Variants in KIF16B observed in about 807,000 individuals in gnomAD.
KIF16B encodes the protein kinesin-like protein KIF16B.
Under a neutral mutation model 156.3 loss-of-function variants are expected in KIF16B, and 98 were observed. That is an observed-to-expected ratio of 0.63 (90% CI 0.53 to 0.74). The LOEUF (loss-of-function observed/expected upper bound fraction) is 0.74. Among genes scored for constraint, KIF16B ranks in the 30% least tolerant of loss-of-function variants. The pLI is 0.00. For missense variants in KIF16B, 1,421 were observed against 1,606.5 expected (o/e 0.88, Z 1.97); for synonymous variants, 564 against 583.7 (o/e 0.97, Z 0.49).
At chr20:16,532,068 CAAAA>C (rs34843252) in intron 1 of KIF16B, among the ~76,000 whole-genome samples, 1 of 99,312 alleles carries the variant, frequency 1.0e-5, no homozygotes, top group South Asian at 3.1e-4. Context: ...AACTCCGTCT[CAAAA>C]AAAAAAAAAA....
At chr20:16,533,067 T>C (rs1168144875) in intron 1 of KIF16B, among the ~76,000 whole-genome samples, 1 of 152,200 alleles carries the variant, frequency 6.6e-6, no homozygotes, top group Admixed American at 6.5e-5. Context: ...AATATGACTG[T>C]CTTTTTATTA....
intron 1 of KIF16B, among the ~76,000 whole-genome samples, chr20:16,549,794 A>G (rs1260652324): frequency 7.7e-6 from 1 of 130,000 alleles, no homozygotes; most frequent in Non-Finnish European, 1.6e-5. Flanking sequence ...GGCTAGCCAT[A>G]TGTAGGAAGC....
chr20:16,339,716 CT>C (rs2064107129), intron 23 of KIF16B, among the ~76,000 whole-genome samples: 1 of 152,198 alleles, frequency 6.6e-6, no homozygotes, highest in African/African-American at 2.4e-5. Context: ...TGGCATCATC[CT>C]TGATGTTTGT....
chr20:16,343,807 C>T (rs2064183051), intron 23 of KIF16B, among the ~76,000 whole-genome samples: 2 of 152,136 alleles, frequency 1.3e-5, no homozygotes, highest in African/African-American at 4.8e-5. Flanking sequence ...AGACAAGATG[C>T]TCCATGGAGT....
chr20:16,508,013 C>G lies in KIF16B; in HGVS notation c.644G>C (p.Gly215Ala), dbSNP rs756744412. ...GNINRTTAATGMNDVSSRSHA... is the reference protein window; with the variant it reads ...GNINRTTAATAMNDVSSRSHA... ...AGACCTGCTACTGACGTCGTTCATC[C>G]CAGTCGCTGCGGTGGTCCGGTTGAT... Residue 215 changes from glycine to alanine, a missense_variant, in exon 7 of 26, where the codon GGG (glycine) becomes GCG (alanine). By Grantham distance (60) the Gly-to-Ala change is moderately conservative (BLOSUM62 0). Transcript: ENST00000354981. 4 of 1,614,132 alleles carry G rather than the reference C, an allele frequency of 2.5e-6. No homozygotes were observed. Among genetic ancestry groups the G allele is most frequent in the Non-Finnish European group, 3.4e-6 (4 of 1,180,002 alleles).
chr20:16,435,108 TAA>T (rs772308976), intron 12 of KIF16B, among the ~76,000 whole-genome samples: 4 of 152,220 alleles, frequency 2.6e-5, no homozygotes, highest in East Asian at 1.9e-4. Flanking sequence ...ATTATTAATA[TAA>T]GAGGTATTTC....
chr20:16,438,605 A>G (rs182895957), intron 12 of KIF16B, among the ~76,000 whole-genome samples: 1 of 152,252 alleles, frequency 6.6e-6, no homozygotes, highest in Non-Finnish European at 1.5e-5. Flanking sequence ...AATCATGTCC[A>G]TCTAACAAAG....
chr20:16,534,503 T>G (rs2069880400), intron 1 of KIF16B, among the ~76,000 whole-genome samples: 1 of 152,228 alleles, frequency 6.6e-6, no homozygotes, highest in African/African-American at 2.4e-5. Context: ...TGTGTAAATG[T>G]TTTTCAGTTT....
intron 25 of KIF16B, among the ~76,000 whole-genome samples, chr20:16,301,637 T>A (rs2063472679): frequency 6.6e-6 from 1 of 152,116 alleles, no homozygotes; most frequent in South Asian, 2.1e-4. Flanking sequence ...TGGTGAGATG[T>A]CTGTCCAAGT....
chr20:16,531,327 C>A (rs559449174), intron 1 of KIF16B, among the ~76,000 whole-genome samples: 1 of 152,184 alleles, frequency 6.6e-6, no homozygotes, highest in Non-Finnish European at 1.5e-5. Context: ...CTTCAAGTAA[C>A]CAAACAACTG....
At chr20:16,366,971 T>G (rs2123250677) in intron 22 of KIF16B, 1 of 1,291,238 alleles carries the variant, frequency 7.7e-7, no homozygotes, top group East Asian at 2.8e-5. Flanking sequence ...TTAGCTGTTT[T>G]TATTTTATTG....
intron 17 of KIF16B, among the ~76,000 whole-genome samples, chr20:16,396,647 GC>G (rs1430782901): frequency 4.2e-5 from 5 of 117,786 alleles, no homozygotes; most frequent in Admixed American, 1.6e-4. Flanking sequence ...AACTGTAGTC[GC>G]TTTTTTTTTT....
intron 1 of KIF16B, among the ~76,000 whole-genome samples, chr20:16,563,897 AAAAG>A (rs1332743442): frequency 6.6e-6 from 1 of 152,232 alleles, no homozygotes. Flanking sequence ...AAGTTCACCT[AAAAG>A]AAAGAAAAAA....
At chr20:16,388,401 C>T (rs2065277356) in intron 17 of KIF16B, among the ~76,000 whole-genome samples, 2 of 152,130 alleles carry the variant, frequency 1.3e-5, no homozygotes, top group Non-Finnish European at 2.9e-5. Context: ...AAGGAGAGAA[C>T]ATCAAGAATA....
intron 25 of KIF16B, among the ~76,000 whole-genome samples, chr20:16,278,539 T>C (rs1018091595): frequency 6.6e-6 from 1 of 152,200 alleles, no homozygotes; most frequent in East Asian, 1.9e-4. Context: ...CTTTCTTCTA[T>C]AGGTTTTGGG....
chr20:16,321,729 T>C (rs1045781892), intron 24 of KIF16B, among the ~76,000 whole-genome samples: 1 of 152,004 alleles, frequency 6.6e-6, no homozygotes, highest in African/African-American at 2.4e-5. Context: ...CCTGATATAA[T>C]AATGAAACAT....
At chr20:16,478,624 C>T (rs540310924) in intron 12 of KIF16B, among the ~76,000 whole-genome samples, 3 of 152,238 alleles carry the variant, frequency 2.0e-5, no homozygotes, top group South Asian at 2.1e-4. Context: ...TGCTGTATTT[C>T]CCCCCAGACT....
chr20:16,382,078 T>C, intron 17 of KIF16B: 1 of 1,337,954 alleles, frequency 7.5e-7, no homozygotes, highest in Non-Finnish European at 1.0e-6. Flanking sequence ...GATGAGTATA[T>C]AAAAATGGAG....
At chr20:16,434,327 C>T (rs6105599) in intron 12 of KIF16B, among the ~76,000 whole-genome samples, 7,329 of 152,220 alleles carry the variant, frequency 0.048, 604 homozygotes, top group African/African-American at 0.17. Context: ...CAGGAGGACT[C>T]GGCTCAATGC....
Sources: gnomAD v4.1 joint callset for allele counts (sites outside exome capture counted in the v4.1 genomes callset) on GRCh38, gnomAD v4.1.1 for gene constraint, MANE v1.5 for transcripts, NCBI Gene and HGNC (gene_info 2026-07-23, HGNC 2026-07-21) for gene names.